The following PTP4A3 variants were observed in gnomAD, a reference collection of about 807,000 sequenced individuals.
PTP4A3 encodes protein tyrosine phosphatase 4A3.
In PTP4A3, 9 loss-of-function variants were observed where a neutral mutation model predicts 15.2. The ratio of observed to expected loss-of-function variants is 0.59; its 90% CI spans 0.36 to 1.03. PTP4A3 has a LOEUF of 1.03. Ranked by LOEUF, PTP4A3 falls within the 50% of genes least tolerant of loss-of-function variation. The pLI, the probability that PTP4A3 is intolerant of heterozygous loss-of-function variation, is 0.02. For missense variants in PTP4A3, 234 were observed against 252.1 expected (o/e 0.93, Z 0.49); for synonymous variants, 95 against 102.0 (o/e 0.93, Z 0.41).
chr8:141,419,324 T>G (rs1833211430), intron 1 of PTP4A3, among the ~76,000 whole-genome samples: 1 of 152,176 alleles, frequency 6.6e-6, no homozygotes, highest in Non-Finnish European at 1.5e-5. Flanking sequence ...ATACTGTGGT[T>G]TCTCTGGTGC....
rs773026145 is a variant in PTP4A3, at chr8:141,422,203, C to T, written c.-38C>T. Reference sequence around the variant, plus strand: ...CAGGTCGTGTCCCCAGCCTTCTCTGCAGTCCCTTCTGCCCTGCCGGGCCCG... The same window carrying T: ...CAGGTCGTGTCCCCAGCCTTCTCTGTAGTCCCTTCTGCCCTGCCGGGCCCG... On this transcript the variant is annotated 5_prime_UTR_variant, in exon 2 of 6. Coordinates refer to ENST00000521578, the MANE Select transcript of PTP4A3 (RefSeq NM_032611.3). The T allele has an allele frequency of 4.4e-6, 7 of 1,604,844 alleles. No homozygotes were observed. The highest frequency in any genetic ancestry group is 3.3e-5 in the South Asian group (3 of 90,850).
intron 1 of PTP4A3, among the ~76,000 whole-genome samples, chr8:141,393,001 A>G (rs1477121952): frequency 6.6e-6 from 1 of 151,990 alleles, no homozygotes; most frequent in Non-Finnish European, 1.5e-5. Flanking sequence ...TTGGGCATCC[A>G]CCTAGTCTGT....
chr8:141,395,454 A>G (rs1832420746), intron 1 of PTP4A3, among the ~76,000 whole-genome samples: 3 of 152,194 alleles, frequency 2.0e-5, no homozygotes, highest in Admixed American at 6.5e-5. Context: ...ACTGAGGGTC[A>G]GGGATGACCA....
intron 5 of PTP4A3, 35 bp downstream of exon 5, chr8:141,427,859 G>A (rs758475446): frequency 1.5e-5 from 23 of 1,531,810 alleles, no homozygotes; most frequent in East Asian, 1.2e-4. Context: ...GGCTGTGAGC[G>A]CTGGGGGAGG....
chr8:141,412,693 C>A (rs993118573), intron 1 of PTP4A3, among the ~76,000 whole-genome samples: 4 of 152,232 alleles, frequency 2.6e-5, no homozygotes, highest in African/African-American at 9.6e-5. Context: ...CCTCCCACAG[C>A]GAGCTCGCCC....
At position 141,421,943 on chromosome 8, in the gene PTP4A3, G is replaced by C; in HGVS notation, c.-298G>C. The C allele has an allele frequency of 2.5e-6, 1 of 401,818 alleles. No individual in the cohort carries two copies. The highest frequency in any genetic ancestry group is 4.4e-6 in the Non-Finnish European group (1 of 225,146). 24.9% of individuals were successfully genotyped at this position (401,818 alleles called of 1,614,324 possible). On this transcript the variant is annotated 5_prime_UTR_variant, in exon 2 of 6. Transcript: ENST00000521578. Reference sequence around the variant, plus strand: ...CTCTGAGAGACGGGAGTTTGGAGTTGCCCGCTTTACTTTGGTTGGGTTGGG... The same window carrying C: ...CTCTGAGAGACGGGAGTTTGGAGTTCCCCGCTTTACTTTGGTTGGGTTGGG...
intron 1 of PTP4A3, among the ~76,000 whole-genome samples, chr8:141,398,403 C>T (rs80179324): frequency 2.8e-4 from 43 of 152,144 alleles, no homozygotes; most frequent in Non-Finnish European, 4.1e-4. Flanking sequence ...GGCAGACGGG[C>T]GTCTGGGAAC....
chr8:141,397,085 A>G (rs566381321), intron 1 of PTP4A3, among the ~76,000 whole-genome samples: 45 of 152,216 alleles, frequency 3.0e-4, no homozygotes, highest in Non-Finnish European at 5.4e-4. Context: ...ACACAGGTTG[A>G]TCTGTGTTGA....
chr8:141,398,367 C>T (rs559611512), intron 1 of PTP4A3, among the ~76,000 whole-genome samples: 1 of 152,326 alleles, frequency 6.6e-6, no homozygotes, highest in Non-Finnish European at 1.5e-5. Context: ...TCCAGCACCC[C>T]TGCAGGAGCC....
intron 2 of PTP4A3, among the ~76,000 whole-genome samples, chr8:141,423,262 G>T (rs1833416220): frequency 6.6e-6 from 1 of 152,252 alleles, no homozygotes; most frequent in African/African-American, 2.4e-5. Context: ...TGAGCCAGGT[G>T]CCCTACAGAA....
At chr8:141,421,140 C>T (rs1052176750) in intron 1 of PTP4A3, among the ~76,000 whole-genome samples, 1 of 152,208 alleles carries the variant, frequency 6.6e-6, no homozygotes, top group African/African-American at 2.4e-5. Flanking sequence ...TCCGTCATGC[C>T]CTGCTGGCTG....
At chr8:141,422,978 C>T (rs1412887753) in intron 2 of PTP4A3, among the ~76,000 whole-genome samples, 1 of 152,200 alleles carries the variant, frequency 6.6e-6, no homozygotes, top group African/African-American at 2.4e-5. Flanking sequence ...CTGGCCTCTG[C>T]AGAACGCCCT....
At chr8:141,397,193 T>C (rs1418487287) in intron 1 of PTP4A3, among the ~76,000 whole-genome samples, 1 of 152,216 alleles carries the variant, frequency 6.6e-6, no homozygotes, top group African/African-American at 2.4e-5. Context: ...GGAAGGTGGC[T>C]GCCAGGGTGT....
At chr8:141,428,217 G>A (rs1186840216) in intron 5 of PTP4A3, among the ~76,000 whole-genome samples, 1 of 152,080 alleles carries the variant, frequency 6.6e-6, no homozygotes, top group Non-Finnish European at 1.5e-5. Context: ...CGCTGACAGT[G>A]GGCTAGTGTC....
At chr8:141,404,469 G>A (rs750532447) in intron 1 of PTP4A3, among the ~76,000 whole-genome samples, 7 of 152,258 alleles carry the variant, frequency 4.6e-5, no homozygotes, top group South Asian at 2.1e-4. Context: ...TGGCCCCCAT[G>A]AGTCCAGCTC....
At chr8:141,420,502 C>T (rs548492389) in intron 1 of PTP4A3, among the ~76,000 whole-genome samples, 6 of 152,298 alleles carry the variant, frequency 3.9e-5, no homozygotes, top group East Asian at 3.9e-4. Context: ...GAGAGGCAGG[C>T]GTGGAGGTGC....
At chr8:141,418,726 A>C (rs756362760) in intron 1 of PTP4A3, among the ~76,000 whole-genome samples, 3 of 152,176 alleles carry the variant, frequency 2.0e-5, no homozygotes, top group Admixed American at 6.5e-5. Flanking sequence ...GTAGCGACTC[A>C]GGACACATGG....
At chr8:141,430,844 T>C in intron 5 of PTP4A3, 83 bp from the exon 6 acceptor site, 1 of 1,379,024 alleles carries the variant, frequency 7.3e-7, no homozygotes, top group Non-Finnish European at 1.0e-6. Context: ...CCCACTGCAC[T>C]CTCAGATTCC....
intron 1 of PTP4A3, among the ~76,000 whole-genome samples, chr8:141,420,633 T>C (rs1833286222): frequency 6.6e-6 from 1 of 152,196 alleles, no homozygotes; most frequent in Admixed American, 6.5e-5. Flanking sequence ...GCTGGCCCAT[T>C]GGCGTGTTCT....
Sources: allele counts gnomAD v4.1 joint callset (sites outside exome capture counted in the v4.1 genomes callset), GRCh38; gene constraint gnomAD v4.1.1; transcripts MANE v1.5; gene names NCBI Gene and HGNC (gene_info 2026-07-23, HGNC 2026-07-21).